DNAH14: variants seen among roughly 807,000 people sequenced by gnomAD.
DNAH14 encodes axonemal beta dynein heavy chain 14.
In DNAH14, 478 loss-of-function variants were observed where a neutral mutation model predicts 520.9. The observed-to-expected ratio is 0.92, with a 90% CI of 0.85 to 0.99. The LOEUF (loss-of-function observed/expected upper bound fraction) is 0.99. Among genes scored for constraint, DNAH14 ranks in the 50% least tolerant of loss-of-function variants. The probability of loss-of-function intolerance (pLI) is 0.00; values close to 1 mark genes in which losing one functional copy is unlikely to be tolerated. For synonymous variants in DNAH14, 1,581 were observed against 1,757.2 expected (o/e 0.90, Z 2.51); for missense variants, 4,831 against 5,234.5 (o/e 0.92, Z 2.38).
Position 225,168,007 on chromosome 1 carries a change from A to G in DNAH14, c.5514A>G (p.Ile1838Met), listed in dbSNP as rs1042342864. Residue 1838 changes from isoleucine (I) to methionine (M), a missense_variant, in exon 36 of 86, where the codon ATA becomes ATG. Ile to Met is a conservative substitution (Grantham distance 10). Transcript: ENST00000682510. ...GGTCATCTCAGAAAGAGAAGATTAT[A>G]CAGTTTTATAATCAACTTCAGGTAA... ...QNWSSQKEKIIQFYNQLQVCV... is the reference protein window; with the variant it reads ...QNWSSQKEKIMQFYNQLQVCV... 6.5e-7 allele frequency: 1 copy of G among 1,535,254 alleles called. No homozygotes were observed. The highest frequency in any genetic ancestry group is 1.2e-5 in the South Asian group (1 of 81,194).
intron 49 of DNAH14, among the ~76,000 whole-genome samples, chr1:225,269,140 A>G (rs1473628943): frequency 6.6e-6 from 1 of 152,180 alleles, no homozygotes; most frequent in Non-Finnish European, 1.5e-5. Context: ...GATATAGACC[A>G]ATGGAACAGA....
intron 23 of DNAH14, among the ~76,000 whole-genome samples, chr1:225,103,456 A>T (rs1328224094): frequency 6.6e-6 from 1 of 152,176 alleles, no homozygotes; most frequent in African/African-American, 2.4e-5. Context: ...TGGGGATGGC[A>T]TTGAATCTAT....
intron 71 of DNAH14, among the ~76,000 whole-genome samples, chr1:225,349,846 ATAG>A (rs1652506443): frequency 6.6e-6 from 1 of 152,166 alleles, no homozygotes; most frequent in Non-Finnish European, 1.5e-5. Flanking sequence ...CGACCCAATA[ATAG>A]TAGGAGACTT....
chr1:225,337,186 G>GGATC, intron 66 of DNAH14, 80 bp from the exon 67 acceptor site: 1 of 1,136,412 alleles, frequency 8.8e-7, no homozygotes, highest in Non-Finnish European at 1.3e-6. Context: ...TGATTCTGTA[G>GGATC]GATCTTTTAG....
chr1:224,937,836 T>C (rs1042434080), intron 1 of DNAH14, among the ~76,000 whole-genome samples: 2 of 152,086 alleles, frequency 1.3e-5, no homozygotes, highest in African/African-American at 4.8e-5. Context: ...AGTATGATAC[T>C]GGCATAAAAA....
At chr1:225,106,464 C>G (rs943213375) in intron 23 of DNAH14, among the ~76,000 whole-genome samples, 5 of 152,120 alleles carry the variant, frequency 3.3e-5, no homozygotes, top group Non-Finnish European at 7.3e-5. Context: ...TGGATAATAT[C>G]CTGCAGAGTG....
intron 17 of DNAH14, among the ~76,000 whole-genome samples, chr1:225,062,208 T>G (rs2456331): frequency 0.91 from 138,108 of 152,052 alleles, 64,145 homozygotes; most frequent in East Asian, 1. Context: ...GACTGAGGTG[T>G]GAGGATGGCT....
chr1:225,129,136 A>T (rs1440297139), intron 27 of DNAH14, among the ~76,000 whole-genome samples: 1 of 151,840 alleles, frequency 6.6e-6, no homozygotes, highest in Admixed American at 6.6e-5. Context: ...CTTCAAGGAG[A>T]ACTACAAACC....
At chr1:225,177,706 C>T (rs939420444) in intron 36 of DNAH14, among the ~76,000 whole-genome samples, 5 of 152,176 alleles carry the variant, frequency 3.3e-5, no homozygotes, top group African/African-American at 1.2e-4. Flanking sequence ...AAGTCCAGAA[C>T]TGGGGTTTGG....
chr1:225,295,339 G>T (rs1317008758), intron 55 of DNAH14, among the ~76,000 whole-genome samples: 1 of 152,072 alleles, frequency 6.6e-6, no homozygotes, highest in African/African-American at 2.4e-5. Flanking sequence ...GAGATGGATT[G>T]TTGGGTTATT....
intron 44 of DNAH14, among the ~76,000 whole-genome samples, chr1:225,256,225 C>T (rs2092727743): frequency 1.3e-5 from 2 of 152,056 alleles, no homozygotes. Context: ...CACACATATA[C>T]AAACAACAAC....
At chr1:225,291,749 C>A (rs1238461720) in intron 55 of DNAH14, among the ~76,000 whole-genome samples, 1 of 151,916 alleles carries the variant, frequency 6.6e-6, no homozygotes, top group Non-Finnish European at 1.5e-5. Context: ...TATTTTTTGT[C>A]TATTTGATGA....
In DNAH14 at chr1:225,265,192, T is replaced by G; in HGVS notation, c.7233T>G (p.Thr2411=). ...TGTTTGGCATCACAGATAATCCCAC[T>G]AAAAAGCCAGAAGTTAGAACTAATA... is the stretch of plus-strand genomic sequence containing the variant. ...KTATGSSDNP[T]KKPEVRTNKK... is the part of the protein sequence containing the mutation. The change falls in exon 48 of 86, where the codon ACT becomes ACG. Residue 2411 remains threonine, a synonymous_variant. Coordinates refer to ENST00000682510, the MANE Select transcript of DNAH14 (RefSeq NM_001367479.1). The G allele has an allele frequency of 6.8e-7, 1 of 1,474,110 alleles. No homozygotes were observed. The highest frequency in any genetic ancestry group is 8.9e-7 in the Non-Finnish European group (1 of 1,119,412). 91.3% of individuals were successfully genotyped at this position (1,474,110 alleles called of 1,614,324 possible).
intron 8 of DNAH14, among the ~76,000 whole-genome samples, chr1:224,990,668 A>G (rs2062975313): frequency 6.6e-6 from 1 of 152,192 alleles, no homozygotes; most frequent in African/African-American, 2.4e-5. Context: ...TTGCATATAG[A>G]TACCACATTT....
chr1:225,348,507 G>A (rs1160104554), intron 71 of DNAH14, among the ~76,000 whole-genome samples: 2 of 152,160 alleles, frequency 1.3e-5, no homozygotes, highest in Non-Finnish European at 2.9e-5. Flanking sequence ...ATACAAGGGA[G>A]CTTCTGTATG....
Position 225,290,008 on chromosome 1 carries a change from A to T in DNAH14, c.8395A>T (p.Lys2799Ter). ...CAYIEFKEVF[K>*]KVFIHAGLKG... Reference sequence around the variant, plus strand: ...CTACATCGAATTCAAAGAAGTCTTTAAAAAGGTGTTTATTCACGCAGGATT... The same window carrying T: ...CTACATCGAATTCAAAGAAGTCTTTTAAAAGGTGTTTATTCACGCAGGATT... Residue 2799 changes from lysine to a stop codon, truncating the protein, a stop_gained, in exon 55 of 86, where the codon AAA (lysine) becomes TAA (stop). Transcript: ENST00000682510. LOFTEE classifies it high-confidence loss of function. 6.5e-7 allele frequency: 1 copy of T among 1,539,332 alleles called. No individual in the cohort carries two copies. Among genetic ancestry groups the T allele is most frequent in the Non-Finnish European group, 8.8e-7 (1 of 1,140,298 alleles).
chr1:225,053,202 G>A (rs1403167499), intron 17 of DNAH14, among the ~76,000 whole-genome samples: 1 of 151,976 alleles, frequency 6.6e-6, no homozygotes, highest in Non-Finnish European at 1.5e-5. Flanking sequence ...TGTTACTAAA[G>A]TGGTGAAGGA....
rs1159612994 is a variant in DNAH14 at position 225,335,694 on chromosome 1, C to G, written c.10081-1572C>G. ...GCATATATGTATATACGCATATATA[C>G]ATATGTGCATATATGTATATACGCA... is the stretch of plus-strand genomic sequence containing the variant. On this transcript the variant is annotated intron_variant, in intron 66 of 85. Coordinates refer to ENST00000682510, the MANE Select transcript of DNAH14 (RefSeq NM_001367479.1). Among the ~76,000 whole-genome samples the G allele has an allele frequency of 1.3e-4, 11 of 82,960 alleles. 3 individuals carry two copies. Among genetic ancestry groups the G allele is most frequent in the Admixed American group, 9.0e-4 (9 of 9,976 alleles). 54.4% of individuals were successfully genotyped at this position (82,960 alleles called of 152,430 possible).
In DNAH14 at chr1:225,337,477, G is replaced by C; in HGVS notation, c.10292G>C (p.Gly3431Ala). 1 of 1,551,784 alleles carries C rather than the reference G, an allele frequency of 6.4e-7. No homozygotes were observed. ...AAAATTGAAAATGCTATGAAGACAG[G>C]AGGGAGTGTCCTCCTGCAGGTAAGT... The part of the protein sequence containing the change: ...TKKIENAMKT[G>A]GSVLLQNLLE... Residue 3431 changes from glycine (G) to alanine (A), a missense_variant, in exon 67 of 86, where the codon GGA becomes GCA. Coordinates refer to ENST00000682510, the MANE Select transcript of DNAH14 (RefSeq NM_001367479.1).
Sources: allele counts gnomAD v4.1 joint callset (sites outside exome capture counted in the v4.1 genomes callset), GRCh38; gene constraint gnomAD v4.1.1; transcripts MANE v1.5; gene names NCBI Gene and HGNC (gene_info 2026-07-23, HGNC 2026-07-21).